Variants in KNTC1 observed in about 807,000 individuals in gnomAD.
The protein encoded by KNTC1 is kinetochore associated 1.
KNTC1 carries 253 observed loss-of-function variants against 314.4 expected under a neutral mutation model. The ratio of observed to expected loss-of-function variants is 0.80; its 90% CI spans 0.73 to 0.89. The LOEUF is 0.89. Ranked by LOEUF, KNTC1 falls within the 40% of genes least tolerant of loss-of-function variation. The pLI, the probability that KNTC1 is intolerant of heterozygous loss-of-function variation, is 0.00. For synonymous variants in KNTC1, 901 were observed against 901.4 expected, an observed-to-expected ratio of 1.00 and a Z score of 0.01; for missense variants, 2,475 against 2,572.9, an observed-to-expected ratio of 0.96 and a Z score of 0.82.
At chr12:122,602,761 T>G in intron 46 of KNTC1, 21 bp downstream of exon 46, 1 of 1,612,332 alleles carries the variant, frequency 6.2e-7, no homozygotes, top group Non-Finnish European at 8.5e-7. Flanking sequence ...ATTAACTTTT[T>G]ATGAATTTTA....
At chr12:122,567,456 A>G (rs914640103) in intron 20 of KNTC1, among the ~76,000 whole-genome samples, 8 of 152,206 alleles carry the variant, frequency 5.3e-5, no homozygotes, top group African/African-American at 1.9e-4. Flanking sequence ...TTTTCCAGGT[A>G]TATAATTTTA....
At position 122,557,433 on chromosome 12, in the gene KNTC1, G is replaced by A; in HGVS notation, c.1322G>A (p.Ser441Asn). 1 of 1,613,320 alleles carries A rather than the reference G, an allele frequency of 6.2e-7. No homozygotes were observed. The highest frequency in any genetic ancestry group is 1.3e-5 in the African/African-American group (1 of 75,016). The change falls in exon 17 of 64, where the codon AGT becomes AAT. Residue 441 changes from serine to asparagine, a missense_variant. Coordinates refer to ENST00000333479, the MANE Select transcript of KNTC1 (RefSeq NM_014708.6). ...SNHILEKLAL[S>N]SVDASEQTEW... ...CATATATTGGAGAAACTGGCATTGA[G>A]TTCTGTGGATGCCAGTGAACAGACC...
chr12:122,573,234 C>G lies in KNTC1; in HGVS notation c.2232C>G (p.Tyr744Ter). ...TCTTAGAGAAGTTTATAAGAGTTTACATGAGAGAACATGACTTGCAAGAGG... is the reference window on the plus strand; with the variant it reads ...TCTTAGAGAAGTTTATAAGAGTTTAGATGAGAGAACATGACTTGCAAGAGG... ...PSILEKFIRV[Y>*]MREHDLQEEE... The change falls in exon 26 of 64, where the codon TAC becomes TAG. Residue 744 changes from tyrosine (Y) to a stop codon, truncating the protein, a stop_gained. Transcript: ENST00000333479. LOFTEE classifies it high-confidence loss of function. 1.2e-6 allele frequency: 2 copies of G among 1,613,768 alleles called. No homozygotes were observed. Among genetic ancestry groups the G allele is most frequent in the Non-Finnish European group, 1.7e-6 (2 of 1,179,764 alleles).
At chr12:122,546,489 T>C (rs1210624459) in intron 9 of KNTC1, 133 bp from the exon 10 acceptor site, 3 of 679,322 alleles carry the variant, frequency 4.4e-6, no homozygotes, top group Admixed American at 5.9e-5. Flanking sequence ...CTAACAGAAA[T>C]AGAGGCAGGA....
intron 44 of KNTC1, 38 bp downstream of exon 44, chr12:122,597,976 A>T: frequency 1.3e-6 from 2 of 1,499,250 alleles, no homozygotes; most frequent in Non-Finnish European, 1.9e-6. Flanking sequence ...CATCTCAGCC[A>T]TCCCTCCCAC....
chr12:122,587,275 C>G (rs992169757), intron 38 of KNTC1, among the ~76,000 whole-genome samples: 1 of 151,656 alleles, frequency 6.6e-6, no homozygotes, highest in Non-Finnish European at 1.5e-5. Context: ...GACCCTATCT[C>G]TAAAAAAACA....
rs1387202385 is a variant in KNTC1 at position 122,579,004 on chromosome 12, T to TCTAATAC, written c.2842-899_2842-893dup. Among the ~76,000 whole-genome samples the TCTAATAC allele has an allele frequency of 2.8e-5, 4 of 142,428 alleles. No homozygotes were observed. The East Asian group carries it at 8.4e-4, about 30-fold the overall frequency. The allele number at this position is 142,428 out of a possible 152,430, so 93.4% of individuals were successfully genotyped here. A position where few individuals can be genotyped will look rare whatever the true frequency, so the allele number is the denominator to read the frequency against. ...AGGGGCAGAACCTCAGCTCAAACTG[T>TCTAATAC]CTAATACCATAGTCTGTATTCTTTT... is the stretch of plus-strand genomic sequence containing the variant. On this transcript the variant is annotated intron_variant, in intron 31 of 63. Coordinates refer to ENST00000333479, the MANE Select transcript of KNTC1 (RefSeq NM_014708.6).
chr12:122,616,214 A>G (rs1873748496), intron 57 of KNTC1, among the ~76,000 whole-genome samples: 1 of 151,686 alleles, frequency 6.6e-6, no homozygotes, highest in Non-Finnish European at 1.5e-5. Context: ...CTTCATAATT[A>G]TCTCCCTAAG....
rs1192983639 is a variant in KNTC1, at chr12:122,602,825, C to A, written c.4826-4C>A. The stretch of plus-strand genomic sequence containing the variant: ...AAATCGTACTTTCCTTGTTTCCTTT[C>A]TAGCTACAGAACTCAGTGAAGAATC... On this transcript the variant is annotated splice_region_variant and splice_polypyrimidine_tract_variant and intron_variant, in intron 46 of 63. Coordinates refer to ENST00000333479, the MANE Select transcript of KNTC1 (RefSeq NM_014708.6). 1 of 1,612,578 alleles carries A rather than the reference C, an allele frequency of 6.2e-7. No homozygotes were observed. Among genetic ancestry groups the A allele is most frequent in the Non-Finnish European group, 8.5e-7 (1 of 1,179,084 alleles).
In KNTC1 at chr12:122,576,892, C is replaced by A; in HGVS notation, c.2587-3C>A. On this transcript the variant is annotated splice_region_variant and splice_polypyrimidine_tract_variant and intron_variant, in intron 29 of 63. Coordinates refer to ENST00000333479, the MANE Select transcript of KNTC1 (RefSeq NM_014708.6). ...AAAGAAATGTTCATATTGTCTTTTG[C>A]AGAGAGTGGTTAGATACATTCTCAA... is the stretch of plus-strand genomic sequence containing the variant. 1 of 1,557,378 alleles carries A rather than the reference C, an allele frequency of 6.4e-7. No homozygotes were observed.
At position 122,575,287 on chromosome 12, in the gene KNTC1, T is replaced by C. The variant is rs144253855; in HGVS notation, c.2383-256T>C. Among the ~76,000 whole-genome samples, 12 of 152,204 alleles carry C rather than the reference T, an allele frequency of 7.9e-5. No individual in the cohort carries two copies. The East Asian group carries it at 2.3e-3, about 29-fold the overall frequency. ...AAAAAAACAAAAAAAACCCAGGGAT[T>C]GTAGAGACCGTAGAAAGCAATAACG... On this transcript the variant is annotated intron_variant, in intron 27 of 63. Coordinates refer to ENST00000333479, the MANE Select transcript of KNTC1 (RefSeq NM_014708.6).
chr12:122,575,682 T>C lies in KNTC1; in HGVS notation c.2486+36T>C, dbSNP rs763313613. On this transcript the variant is annotated intron_variant, in intron 28 of 63. Transcript: ENST00000333479. ...TGTCTACGAAACAATGTTGTTATGC[T>C]CTGGAGAAACATTGTGTTTTGAGTT... 11 of 1,507,808 alleles carry C rather than the reference T, an allele frequency of 7.3e-6. No individual in the cohort carries two copies. In the South Asian group the frequency reaches 8.3e-5, roughly 11 times the overall value. The allele number at this position is 1,507,808 out of a possible 1,614,324, so 93.4% of individuals were successfully genotyped here. A position where few individuals can be genotyped will look rare whatever the true frequency, so the allele number is the denominator to read the frequency against.
Position 122,594,323 on chromosome 12 carries a change from C to T in KNTC1, c.4293C>T (p.Asp1431=). The part of the protein sequence containing the change: ...VFRQHFLTKK[D]LIKALVENID... ...GGCAACATTTTCTCACCAAGAAAGACCTCATTAAAGCTCTTGTGGAGAATA... is the reference window on the plus strand; with the variant it reads ...GGCAACATTTTCTCACCAAGAAAGATCTCATTAAAGCTCTTGTGGAGAATA... The change falls in exon 43 of 64, where the codon GAC becomes GAT. Residue 1431 remains aspartate (D), a synonymous_variant. Transcript: ENST00000333479. 3 of 1,611,128 alleles carry T rather than the reference C, an allele frequency of 1.9e-6. No individual in the cohort carries two copies. In the East Asian group the frequency reaches 6.7e-5, roughly 36 times the overall value.
At chr12:122,578,252 A>G (rs1004400691) in intron 31 of KNTC1, among the ~76,000 whole-genome samples, 6 of 151,910 alleles carry the variant, frequency 3.9e-5, no homozygotes, top group Admixed American at 3.9e-4. Context: ...ATTCTTACTG[A>G]TTTTTAATTT....
intron 18 of KNTC1, among the ~76,000 whole-genome samples, chr12:122,560,766 T>A (rs1457751459): frequency 6.6e-6 from 1 of 152,172 alleles, no homozygotes; most frequent in African/African-American, 2.4e-5. Flanking sequence ...GTGTTCAGAT[T>A]TCTCCACCTT....
intron 5 of KNTC1, among the ~76,000 whole-genome samples, chr12:122,541,474 G>C (rs1645039165): frequency 6.6e-6 from 1 of 151,358 alleles, no homozygotes; most frequent in Non-Finnish European, 1.5e-5. Flanking sequence ...AGCCTCCTGA[G>C]TAGCTGGGAC....
chr12:122,533,778 T>C (rs2137656686), intron 2 of KNTC1, among the ~76,000 whole-genome samples: 1 of 152,218 alleles, frequency 6.6e-6, no homozygotes, highest in East Asian at 1.9e-4. Flanking sequence ...AGATGACTTT[T>C]GAAATAGTCA....
chr12:122,578,543 T>G (rs1965181362), intron 31 of KNTC1, among the ~76,000 whole-genome samples: 1 of 151,974 alleles, frequency 6.6e-6, no homozygotes, highest in African/African-American at 2.4e-5. Flanking sequence ...CTGCCTCAGC[T>G]GGGAGTAGCT....
intron 1 of KNTC1, 66 bp from the exon 2 acceptor site, chr12:122,529,925 G>T (rs1411199045): frequency 8.2e-6 from 7 of 851,204 alleles, no homozygotes; most frequent in African/African-American, 1.7e-5. Context: ...GTTAATGTTA[G>T]ACTTTTGTTT....
Sources: allele counts gnomAD v4.1 joint callset (sites outside exome capture counted in the v4.1 genomes callset), GRCh38; gene constraint gnomAD v4.1.1; transcripts MANE v1.5; gene names NCBI Gene and HGNC (gene_info 2026-07-23, HGNC 2026-07-21).